Variants in CEP290 observed in about 807,000 individuals in gnomAD.
CEP290 encodes centrosomal protein 290, also known as centrosomal protein of 290 kDa.
In CEP290, 317 loss-of-function variants were observed where a neutral mutation model predicts 344.9. The ratio of observed to expected loss-of-function variants is 0.92; its 90% CI spans 0.84 to 1.01. CEP290 has a LOEUF of 1.01. CEP290 is among the 50% of genes least tolerant of loss of function. The pLI is 0.00. For synonymous variants in CEP290, 932 were observed against 895.8 expected (o/e 1.04, Z -0.72); for missense variants, 2,754 against 2,761.4 (o/e 1.00, Z 0.06).
intron 3 of CEP290, among the ~76,000 whole-genome samples, chr12:88,140,641 A>G: frequency 6.6e-6 from 1 of 152,168 alleles, no homozygotes; most frequent in East Asian, 1.9e-4. Flanking sequence ...GACATCTCTT[A>G]AATCATTTCC....
At chr12:88,085,300 G>T (rs144597503) in intron 34 of CEP290, among the ~76,000 whole-genome samples, 2 of 151,844 alleles carry the variant, frequency 1.3e-5, no homozygotes, top group African/African-American at 2.4e-5. Flanking sequence ...TATAAAATCC[G>T]CAGCTTATTA....
At position 88,080,395 on chromosome 12, in the gene CEP290, C is replaced by T. The variant is rs1173154577; in HGVS notation, c.5013G>A (p.Gln1671=). ...KVKEFENIKL[Q]LQENHEDEVK... ...CTTCATCTTCATGGTTTTCTTGAAG[C>T]CTGATGTAAATAAACATATGTGTGT... The change falls in exon 38 of 54, where the codon CAG becomes CAA. Residue 1671 remains glutamine, a splice_region_variant and synonymous_variant. Coordinates refer to ENST00000552810, the MANE Select transcript of CEP290 (RefSeq NM_025114.4). The T allele has an allele frequency of 1.2e-6, 2 of 1,604,732 alleles. No individual in the cohort carries two copies.
chr12:88,075,658 G>A (rs568289363), intron 41 of CEP290, among the ~76,000 whole-genome samples: 1 of 152,140 alleles, frequency 6.6e-6, no homozygotes, highest in South Asian at 2.1e-4. Flanking sequence ...TACATAGGTA[G>A]ACTACAAATT....
Position 88,142,030 on chromosome 12 carries a change from A to C in CEP290, c.-158T>G, listed in dbSNP as rs1372247358. Reference sequence around the variant, plus strand: ...TGGGTCCAGCCAAATGGTCCCGAGCAAGCCAAAGCGGCAGCGGCTGCTAGG... The same window carrying C: ...TGGGTCCAGCCAAATGGTCCCGAGCCAGCCAAAGCGGCAGCGGCTGCTAGG... On this transcript the variant is annotated 5_prime_UTR_variant, in exon 1 of 54. Coordinates refer to ENST00000552810, the MANE Select transcript of CEP290 (RefSeq NM_025114.4). 9 of 152,408 alleles carry C rather than the reference A, an allele frequency of 5.9e-5. No individual in the cohort carries two copies. Among genetic ancestry groups the C allele is most frequent in the Admixed American group, 5.9e-4 (9 of 15,292 alleles). The allele number at this position is 152,408 out of a possible 1,614,324, so 9.4% of individuals were successfully genotyped here. A position where few individuals can be genotyped will look rare whatever the true frequency, so the allele number is the denominator to read the frequency against.
intron 46 of CEP290, 74 bp from the exon 47 acceptor site, chr12:88,061,068 G>T (rs2136754337): frequency 9.4e-7 from 1 of 1,062,406 alleles, no homozygotes. Flanking sequence ...AATACAACAG[G>T]CTTATTATAC....
At chr12:88,117,260 T>A in intron 17 of CEP290, 115 bp from the exon 18 acceptor site, 1 of 572,236 alleles carries the variant, frequency 1.7e-6, no homozygotes, top group Non-Finnish European at 3.0e-6. Flanking sequence ...AATAATTGTT[T>A]CCAAAATCCC....
intron 49 of CEP290, among the ~76,000 whole-genome samples, chr12:88,056,667 C>T (rs1388021994): frequency 2.0e-5 from 3 of 152,068 alleles, no homozygotes; most frequent in South Asian, 2.1e-4. Flanking sequence ...TCTAAAACAG[C>T]CCCCACATCA....
At chr12:88,102,637 T>C (rs1039857608) in intron 26 of CEP290, among the ~76,000 whole-genome samples, 3 of 39,952 alleles carry the variant, frequency 7.5e-5, no homozygotes, top group Non-Finnish European at 1.8e-4. Context: ...AAATAGATAA[T>C]ATATTGTGTG....
chr12:88,084,918 TTTTAGATTAGTTA>T (rs546888973), intron 34 of CEP290, 66 bp from the exon 35 acceptor site: 6 of 1,296,424 alleles, frequency 4.6e-6, no homozygotes, highest in Non-Finnish European at 5.2e-6. Context: ...TTCATCTGAA[TTTTAGATTAGTTA>T]TTAGCCAAAA....
chr12:88,082,959 C>A, intron 37 of CEP290, 72 bp downstream of exon 37: 4 of 903,266 alleles, frequency 4.4e-6, no homozygotes, highest in Non-Finnish European at 6.6e-6. Context: ...CCTGGCATAG[C>A]AAACACTTAT....
At chr12:88,120,801 A>G (rs2137913181) in intron 14 of CEP290, among the ~76,000 whole-genome samples, 196 bp downstream of exon 14, 1 of 152,344 alleles carries the variant, frequency 6.6e-6, no homozygotes, top group East Asian at 1.9e-4. Context: ...CACTGTGATC[A>G]AAAGTTTGAA....
At chr12:88,114,742 C>A (rs530020336) in intron 19 of CEP290, among the ~76,000 whole-genome samples, 180 bp from the exon 20 acceptor site, 1 of 152,142 alleles carries the variant, frequency 6.6e-6, no homozygotes, top group Admixed American at 6.5e-5. Context: ...AAATGACAGA[C>A]CTATTTATAT....
At chr12:88,064,745 T>G (rs1427587588) in intron 44 of CEP290, among the ~76,000 whole-genome samples, 1 of 152,094 alleles carries the variant, frequency 6.6e-6, no homozygotes, top group African/African-American at 2.4e-5. Context: ...TTCCCTCTGA[T>G]TGTGCAGAGG....
chr12:88,085,621 T>A (rs926199935), intron 34 of CEP290, among the ~76,000 whole-genome samples: 10 of 152,152 alleles, frequency 6.6e-5, no homozygotes, highest in African/African-American at 2.4e-4. Flanking sequence ...AGATCTAGGT[T>A]AAAACAGAAA....
Position 88,102,867 on chromosome 12 carries a change from G to A in CEP290, c.2962C>T (p.Gln988Ter). Reference protein sequence around the residue: ...DILQKDNMLVQRTSNLEHLEC... With the variant: ...DILQKDNMLV ...AGGTGTTCCAAGTTACTTGTTCTTT[G>A]AACAAGCATATTATCTTTTTGCAAG... is the stretch of plus-strand genomic sequence containing the variant. The change falls in exon 26 of 54, where the codon CAA becomes TAA. Residue 988 changes from glutamine (Q) to a stop codon, truncating the protein, a stop_gained. Coordinates refer to ENST00000552810, the MANE Select transcript of CEP290 (RefSeq NM_025114.4). LOFTEE classifies it high-confidence loss of function. 1 of 1,610,086 alleles carries A rather than the reference G, an allele frequency of 6.2e-7. No homozygotes were observed. The highest frequency in any genetic ancestry group is 8.5e-7 in the Non-Finnish European group (1 of 1,178,262).
In CEP290 at chr12:88,049,264, C is replaced by T. The variant is rs750500237; in HGVS notation, c.7360G>A (p.Val2454Ile). 1.9e-6 allele frequency: 3 copies of T among 1,609,836 alleles called. No individual in the cohort carries two copies. Among genetic ancestry groups the T allele is most frequent in the Non-Finnish European group, 8.5e-7 (1 of 1,178,540 alleles). The change falls in exon 54 of 54, where the codon GTT becomes ATT. Residue 2454 changes from valine (V) to isoleucine (I), a missense_variant. Physicochemically the swap from Val to Ile is conservative, Grantham distance 29. Coordinates refer to ENST00000552810, the MANE Select transcript of CEP290 (RefSeq NM_025114.4). ...GCAGCAACAGGGCTAGTTAATTCAACTCCCAATTGTTCTGAAAGTTTTTTT... is the reference window on the plus strand; with the variant it reads ...GCAGCAACAGGGCTAGTTAATTCAATTCCCAATTGTTCTGAAAGTTTTTTT... ...KVKKLSEQLGVELTSPVAASE... is the reference protein window; with the variant it reads ...KVKKLSEQLGIELTSPVAASE...
At chr12:88,073,036 A>T (rs1026731470) in intron 41 of CEP290, among the ~76,000 whole-genome samples, 1 of 152,194 alleles carries the variant, frequency 6.6e-6, no homozygotes, top group Non-Finnish European at 1.5e-5. Context: ...AGCCTATCCA[A>T]TGCAGAATAG....
At chr12:88,124,680 A>T (rs1045979184) in intron 13 of CEP290, among the ~76,000 whole-genome samples, 2 of 152,128 alleles carry the variant, frequency 1.3e-5, no homozygotes, top group African/African-American at 2.4e-5. Flanking sequence ...ATTATAATAA[A>T]CATGTCCATG....
intron 43 of CEP290, among the ~76,000 whole-genome samples, chr12:88,070,697 TGAAGTACATGGCA>T: frequency 6.6e-6 from 1 of 151,914 alleles, no homozygotes; most frequent in South Asian, 2.1e-4. Context: ...GTGCAATTCC[TGAAGTACATGGCA>T]TCACTGGGTA....
Sources: gnomAD v4.1 joint callset for allele counts (sites outside exome capture counted in the v4.1 genomes callset) on GRCh38, gnomAD v4.1.1 for gene constraint, MANE v1.5 for transcripts, NCBI Gene and HGNC (gene_info 2026-07-23, HGNC 2026-07-21) for gene names.